The following TACR3 variants were observed in gnomAD, a reference collection of about 807,000 sequenced individuals.
TACR3 encodes tachykinin receptor 3.
Under a neutral mutation model 35.0 loss-of-function variants are expected in TACR3, and 34 were observed. That is an observed-to-expected ratio of 0.97 (90% CI 0.74 to 1.30). The LOEUF (loss-of-function observed/expected upper bound fraction) is 1.30. Among genes scored for constraint, TACR3 ranks in the 50% most tolerant of loss-of-function variants. The pLI, the probability that TACR3 is intolerant of heterozygous loss-of-function variation, is 0.00. For missense variants in TACR3, 558 were observed against 591.7 expected, an observed-to-expected ratio of 0.94 and a Z score of 0.59; for synonymous variants, 233 against 221.1, an observed-to-expected ratio of 1.05 and a Z score of -0.48.
At chr4:103,702,225 C>G (rs1722668111) in intron 1 of TACR3, among the ~76,000 whole-genome samples, 2 of 152,124 alleles carry the variant, frequency 1.3e-5, no homozygotes, top group Non-Finnish European at 2.9e-5. Flanking sequence ...ACAACCCCAT[C>G]AAAAAGTGGG....
intron 3 of TACR3, among the ~76,000 whole-genome samples, chr4:103,637,547 C>A (rs1725221280): frequency 6.6e-6 from 1 of 152,134 alleles, no homozygotes; most frequent in Non-Finnish European, 1.5e-5. Flanking sequence ...GATGCCCTCT[C>A]TCACCACTCC....
intron 1 of TACR3, among the ~76,000 whole-genome samples, chr4:103,687,162 T>A (rs1399748529): frequency 6.6e-6 from 1 of 152,102 alleles, no homozygotes; most frequent in African/African-American, 2.4e-5. Context: ...ATTATCTCAA[T>A]AGATGCAGAA....
At chr4:103,657,348 A>G (rs903822262) in intron 2 of TACR3, among the ~76,000 whole-genome samples, 2 of 152,066 alleles carry the variant, frequency 1.3e-5, no homozygotes, top group Non-Finnish European at 2.9e-5. Flanking sequence ...TAATTTGAAG[A>G]TGATAACATT....
chr4:103,651,758 A>G (rs1327378167), intron 3 of TACR3, among the ~76,000 whole-genome samples: 1 of 151,834 alleles, frequency 6.6e-6, no homozygotes, highest in Admixed American at 6.6e-5. Flanking sequence ...CTACCTGGGT[A>G]TTGCCACTGG....
intron 1 of TACR3, among the ~76,000 whole-genome samples, chr4:103,710,661 T>C (rs932241464): frequency 2.6e-5 from 4 of 151,430 alleles, no homozygotes; most frequent in African/African-American, 4.9e-5. Flanking sequence ...CTGAAGGAGA[T>C]AGAGACACAA....
chr4:103,681,736 CTAAA>C (rs945680544), intron 1 of TACR3, among the ~76,000 whole-genome samples: 9 of 118,694 alleles, frequency 7.6e-5, no homozygotes, highest in African/African-American at 2.7e-4. Flanking sequence ...CATAGAAAAA[CTAAA>C]TAACTCCACC....
chr4:103,685,818 T>C (rs137973493), intron 1 of TACR3, among the ~76,000 whole-genome samples: 2 of 152,302 alleles, frequency 1.3e-5, no homozygotes, highest in East Asian at 3.9e-4. Flanking sequence ...AGTTAATCTC[T>C]GTAAGAGCAA....
At chr4:103,629,870 AACAAAAAAAACAAC>A (rs1211370361) in intron 3 of TACR3, among the ~76,000 whole-genome samples, 7 of 108,368 alleles carry the variant, frequency 6.5e-5, no homozygotes, top group African/African-American at 2.4e-4. Flanking sequence ...ACAAAAAAAA[AACAAAAAAAACAAC>A]AACAACAACA....
intron 1 of TACR3, among the ~76,000 whole-genome samples, chr4:103,699,142 T>C (rs1296441184): frequency 6.6e-6 from 1 of 152,056 alleles, no homozygotes; most frequent in African/African-American, 2.4e-5. Context: ...CAAAAGTAAG[T>C]ATTACAGATG....
intron 1 of TACR3, among the ~76,000 whole-genome samples, chr4:103,662,544 T>C (rs1220203718): frequency 6.6e-6 from 1 of 152,000 alleles, no homozygotes; most frequent in African/African-American, 2.4e-5. Context: ...ACGGTTTGAA[T>C]TGTGACCCTC....
At chr4:103,656,901 G>T (rs1246511058) in intron 2 of TACR3, among the ~76,000 whole-genome samples, 2 of 151,942 alleles carry the variant, frequency 1.3e-5, no homozygotes, top group Non-Finnish European at 2.9e-5. Context: ...ACATTTACAT[G>T]CAATTTTCCA....
rs1553972209 is a variant in TACR3 at position 103,656,946 on chromosome 4, A to AAAAAACAAAACAAAAC, written c.738-603_738-602insGTTTTGTTTTGTTTTT. ...CATTTGATTGCATTGTTAACTTGGT[A>AAAAAACAAAACAAAAC]AAAACAAAACAAAACAAAACAAAAC... is the stretch of plus-strand genomic sequence containing the variant. On this transcript the variant is annotated intron_variant, in intron 2 of 4. Coordinates refer to ENST00000304883, the MANE Select transcript of TACR3 (RefSeq NM_001059.3). 1.7e-4 allele frequency among the ~76,000 whole-genome samples: 26 copies of AAAAAACAAAACAAAAC among 150,978 alleles called. No individual in the cohort carries two copies. The East Asian group carries it at 4.5e-3, about 26-fold the overall frequency.
chr4:103,598,158 G>T (rs569717768), intron 3 of TACR3, among the ~76,000 whole-genome samples: 90 of 152,320 alleles, frequency 5.9e-4, no homozygotes, highest in African/African-American at 2.1e-3. Flanking sequence ...ACTGGTGTGA[G>T]ATGGTATCTC....
At position 103,588,712 on chromosome 4, in the gene TACR3, A is replaced by G. The variant is rs1322865733; in HGVS notation, c.*970T>C. ...ATGTAACATATATTGGTATTTTTCAACCATATAGTCTTTTGTCACACTTGT... is the reference window on the plus strand; with the variant it reads ...ATGTAACATATATTGGTATTTTTCAGCCATATAGTCTTTTGTCACACTTGT... On this transcript the variant is annotated 3_prime_UTR_variant, in exon 5 of 5. Transcript: ENST00000304883. 1 of 152,060 alleles carries G rather than the reference A, an allele frequency of 6.6e-6. No homozygotes were observed. The highest frequency in any genetic ancestry group is 1.5e-5 in the Non-Finnish European group (1 of 67,960). 9.4% of individuals were successfully genotyped at this position (152,060 alleles called of 1,614,324 possible). A position where few individuals can be genotyped will look rare whatever the true frequency, so the allele number is the denominator to read the frequency against.
At chr4:103,655,931 C>T (rs950822089) in intron 3 of TACR3, among the ~76,000 whole-genome samples, 1 of 151,790 alleles carries the variant, frequency 6.6e-6, no homozygotes, top group African/African-American at 2.4e-5. Flanking sequence ...GCAATTTCAG[C>T]AGAGTAATTA....
chr4:103,597,597 C>T (rs180741120), intron 3 of TACR3, among the ~76,000 whole-genome samples: 2,467 of 151,976 alleles, frequency 0.016, 57 homozygotes, highest in African/African-American at 0.056. Flanking sequence ...AATGCTATCC[C>T]TCCCCCGTCC....
At chr4:103,629,866 A>AAAAAAACAAAG (rs1725012871) in intron 3 of TACR3, among the ~76,000 whole-genome samples, 2 of 137,338 alleles carry the variant, frequency 1.5e-5, no homozygotes, top group Non-Finnish European at 3.2e-5. Flanking sequence ...AAAAACAAAA[A>AAAAAAACAAAG]AAAAACAAAA....
chr4:103,707,863 CT>C (rs1169280916), intron 1 of TACR3, among the ~76,000 whole-genome samples: 1 of 152,206 alleles, frequency 6.6e-6, no homozygotes, highest in Non-Finnish European at 1.5e-5. Context: ...TATCCTGCGC[CT>C]GGCTCAGAGG....
intron 3 of TACR3, among the ~76,000 whole-genome samples, chr4:103,616,790 A>G (rs1445817112): frequency 6.6e-6 from 1 of 152,060 alleles, no homozygotes; most frequent in Non-Finnish European, 1.5e-5. Flanking sequence ...CTACCAAAAA[A>G]TACAAAAATT....
Sources: gnomAD v4.1 joint callset for allele counts (sites outside exome capture counted in the v4.1 genomes callset) on GRCh38, gnomAD v4.1.1 for gene constraint, MANE v1.5 for transcripts, NCBI Gene and HGNC (gene_info 2026-07-23, HGNC 2026-07-21) for gene names.